RBMS1: variants seen among roughly 807,000 people sequenced by gnomAD.
The protein encoded by RBMS1 is RNA binding motif single stranded interacting protein 1.
Under a neutral mutation model 62.3 loss-of-function variants are expected in RBMS1, and 17 were observed. That is an observed-to-expected ratio of 0.27 (90% CI 0.19 to 0.41). The LOEUF is 0.41. Among genes scored for constraint, RBMS1 ranks in the 10% least tolerant of loss-of-function variants. RBMS1 has a pLI of 1.00. For missense variants in RBMS1, 334 were observed against 504.5 expected (o/e 0.66, Z 3.24); for synonymous variants, 172 against 170.0 (o/e 1.01, Z -0.09).
intron 1 of RBMS1, among the ~76,000 whole-genome samples, chr2:160,414,303 G>GT (rs1307507382): frequency 4.6e-5 from 7 of 151,660 alleles, no homozygotes; most frequent in East Asian, 3.9e-4. Flanking sequence ...CAGTTTTTTT[G>GT]TTTTTTTGTT....
chr2:160,450,594 CCA>C (rs1403280593), intron 1 of RBMS1, among the ~76,000 whole-genome samples: 1 of 143,612 alleles, frequency 7.0e-6, no homozygotes, highest in Non-Finnish European at 1.5e-5. Flanking sequence ...AAACATTAAC[CCA>C]GTTTGTAATA....
intron 1 of RBMS1, among the ~76,000 whole-genome samples, chr2:160,410,099 G>A (rs1297367811): frequency 6.6e-6 from 1 of 151,024 alleles, no homozygotes; most frequent in Non-Finnish European, 1.5e-5. Flanking sequence ...GCGGGCGCCT[G>A]TAGTCCCAGC....
chr2:160,345,536 A>C (rs1452817056), intron 2 of RBMS1, among the ~76,000 whole-genome samples: 1 of 152,166 alleles, frequency 6.6e-6, no homozygotes, highest in Non-Finnish European at 1.5e-5. Flanking sequence ...ATTCTTAAAG[A>C]CTGGCTTGTA....
At chr2:160,433,645 G>A (rs573007698) in intron 1 of RBMS1, among the ~76,000 whole-genome samples, 3 of 152,240 alleles carry the variant, frequency 2.0e-5, no homozygotes, top group Admixed American at 6.5e-5. Context: ...ATAGGCTTCC[G>A]TTATGAAAGA....
chr2:160,406,179 C>T (rs1297134839), intron 1 of RBMS1, among the ~76,000 whole-genome samples: 1 of 152,190 alleles, frequency 6.6e-6, no homozygotes, highest in African/African-American at 2.4e-5. Flanking sequence ...ACACAGACCA[C>T]GGTGTGTGTT....
At chr2:160,333,549 G>C (rs1197220752) in intron 2 of RBMS1, among the ~76,000 whole-genome samples, 1 of 152,160 alleles carries the variant, frequency 6.6e-6, no homozygotes, top group East Asian at 1.9e-4. Flanking sequence ...AATTGCTCCA[G>C]GCCCCTGCTT....
intron 1 of RBMS1, among the ~76,000 whole-genome samples, chr2:160,368,515 T>TA (rs1339568052): frequency 6.6e-6 from 1 of 152,210 alleles, no homozygotes; most frequent in South Asian, 2.1e-4. Flanking sequence ...ACAATAAGCA[T>TA]ATCCTCATTT....
At chr2:160,426,025 A>C (rs182502048) in intron 1 of RBMS1, among the ~76,000 whole-genome samples, 61 of 152,190 alleles carry the variant, frequency 4.0e-4, no homozygotes, top group African/African-American at 1.4e-3. Context: ...GAAATAATTT[A>C]ATGTCAGGCA....
intron 1 of RBMS1, chr2:160,408,413 G>C (rs1176983898): frequency 6.6e-6 from 1 of 151,968 alleles, no homozygotes; most frequent in Non-Finnish European, 1.5e-5. Context: ...CGATTCACAC[G>C]CTAAAATTTT....
chr2:160,361,825 A>G (rs1467458887), intron 2 of RBMS1, among the ~76,000 whole-genome samples: 6 of 152,144 alleles, frequency 3.9e-5, no homozygotes, highest in African/African-American at 7.2e-5. Flanking sequence ...TGAGACCCCA[A>G]TCTCTTAAAA....
chr2:160,371,764 C>G (rs1339065811), intron 1 of RBMS1, among the ~76,000 whole-genome samples: 1 of 152,096 alleles, frequency 6.6e-6, no homozygotes, highest in African/African-American at 2.4e-5. Context: ...GGGCAGCATT[C>G]AGGGAGGACT....
At chr2:160,461,994 A>G (rs1172935058) in intron 1 of RBMS1, among the ~76,000 whole-genome samples, 1 of 152,144 alleles carries the variant, frequency 6.6e-6, no homozygotes, top group East Asian at 1.9e-4. Flanking sequence ...GTTTTCTATG[A>G]TAATGGAAGG....
chr2:160,293,678 G>A (rs986979402), intron 6 of RBMS1, among the ~76,000 whole-genome samples: 1 of 152,168 alleles, frequency 6.6e-6, no homozygotes, highest in African/African-American at 2.4e-5. Flanking sequence ...GAGAGGTGGT[G>A]GTGGTGGCGA....
intron 11 of RBMS1, chr2:160,277,672 C>T: frequency 3.4e-6 from 1 of 296,832 alleles, no homozygotes; most frequent in Non-Finnish European, 6.5e-6. Flanking sequence ...TTGTCACTCT[C>T]AATAATTCAG....
chr2:160,300,802 TAA>T, intron 5 of RBMS1, 72 bp from the exon 6 acceptor site: 1 of 1,385,526 alleles, frequency 7.2e-7, no homozygotes, highest in Non-Finnish European at 9.5e-7. Flanking sequence ...GGTGCATGCA[TAA>T]ACATTCTTAT....
At chr2:160,278,710 G>T in intron 10 of RBMS1, 52 bp from the exon 11 acceptor site, 1 of 1,154,430 alleles carries the variant, frequency 8.7e-7, no homozygotes, top group African/African-American at 1.5e-5. Context: ...CAAGAGTTAA[G>T]ATCCTGTAAT....
At chr2:160,306,412 T>C (rs1689527422) in intron 4 of RBMS1, among the ~76,000 whole-genome samples, 1 of 152,178 alleles carries the variant, frequency 6.6e-6, no homozygotes, top group Non-Finnish European at 1.5e-5. Context: ...ACTGGGCTCT[T>C]AACCCACTCT....
chr2:160,379,690 G>A (rs185156995), intron 1 of RBMS1, among the ~76,000 whole-genome samples: 86 of 152,286 alleles, frequency 5.6e-4, no homozygotes, highest in Middle Eastern at 3.4e-3. Context: ...TTTGGAGTAG[G>A]AAGTTATTGC....
intron 1 of RBMS1, among the ~76,000 whole-genome samples, chr2:160,478,874 A>G (rs1354227780): frequency 6.6e-6 from 1 of 152,234 alleles, no homozygotes; most frequent in Non-Finnish European, 1.5e-5. Context: ...CTGAAGCCTA[A>G]TTGTATGATG....
Sources: allele counts gnomAD v4.1 joint callset (sites outside exome capture counted in the v4.1 genomes callset), GRCh38; gene constraint gnomAD v4.1.1; transcripts MANE v1.5; gene names NCBI Gene and HGNC (gene_info 2026-07-23, HGNC 2026-07-21).